Variants in MACROD1 observed in about 807,000 individuals in gnomAD.
MACROD1 encodes mono-ADP ribosylhydrolase 1.
Under a neutral mutation model 41.4 loss-of-function variants are expected in MACROD1, and 31 were observed. That is an observed-to-expected ratio of 0.75 (90% CI 0.56 to 1.01). The LOEUF is 1.01. MACROD1 is among the 50% of genes least tolerant of loss of function. The pLI, the probability that MACROD1 is intolerant of heterozygous loss-of-function variation, is 0.00. For synonymous variants in MACROD1, 252 were observed against 203.4 expected (o/e 1.24, Z -2.03); for missense variants, 473 against 460.0 (o/e 1.03, Z -0.26).
intron 3 of MACROD1, among the ~76,000 whole-genome samples, chr11:64,115,845 A>T (rs1336273389): frequency 7.2e-5 from 11 of 152,300 alleles, no homozygotes; most frequent in African/African-American, 2.4e-4. Context: ...CGTTGGCCAT[A>T]AAGTGGCTTT....
chr11:64,112,178 C>T (rs1352177321), intron 3 of MACROD1, among the ~76,000 whole-genome samples: 1 of 152,110 alleles, frequency 6.6e-6, no homozygotes, highest in African/African-American at 2.4e-5. Context: ...TGCACAAATC[C>T]CTGCCCTTGT....
At chr11:64,136,920 C>T (rs921913577) in intron 3 of MACROD1, among the ~76,000 whole-genome samples, 1 of 152,030 alleles carries the variant, frequency 6.6e-6, no homozygotes, top group Non-Finnish European at 1.5e-5. Flanking sequence ...CCGGGAGCAG[C>T]GGGGAGGGCT....
At chr11:64,132,999 G>C (rs1251321078) in intron 3 of MACROD1, among the ~76,000 whole-genome samples, 2 of 152,174 alleles carry the variant, frequency 1.3e-5, no homozygotes, top group African/African-American at 4.8e-5. Flanking sequence ...GCCCCATGAG[G>C]CCTCATGAAG....
intron 3 of MACROD1, among the ~76,000 whole-genome samples, chr11:64,058,770 G>T (rs1590850732): frequency 6.6e-6 from 1 of 152,218 alleles, no homozygotes; most frequent in Non-Finnish European, 1.5e-5. Context: ...GTGGCCAGAC[G>T]ATTCCTCTGT....
At chr11:64,152,176 C>T in intron 2 of MACROD1, 116 bp downstream of exon 2, 1 of 768,248 alleles carries the variant, frequency 1.3e-6, no homozygotes, top group Admixed American at 2.1e-5. Context: ...CGCGGAGCAC[C>T]TGCCTGCAGC....
chr11:64,164,155 C>T (rs1480512899), intron 1 of MACROD1, among the ~76,000 whole-genome samples: 1 of 152,244 alleles, frequency 6.6e-6, no homozygotes. Flanking sequence ...GAGGGCAGGG[C>T]CCTTGCCTAT....
rs1342628878 is a variant in MACROD1 at position 64,146,815 on chromosome 11, G to T, written c.517+4424C>A. Among the ~76,000 whole-genome samples, 1 of 148,600 alleles carries T rather than the reference G, an allele frequency of 6.7e-6. No homozygotes were observed. Among genetic ancestry groups the T allele is most frequent in the African/African-American group, 2.5e-5 (1 of 39,982 alleles). On this transcript the variant is annotated intron_variant, in intron 3 of 10. Coordinates refer to ENST00000255681, the MANE Select transcript of MACROD1 (RefSeq NM_014067.4). This position sits in a 1 kb window ranked among gnomAD's most constrained non-coding sequence, Gnocchi z 4.7. ...TGCATACGCACACCCCACACACATA[G>T]GCCAAACTCCTGACCTCACACACAC...
chr11:64,116,066 C>A (rs1944973212), intron 3 of MACROD1, among the ~76,000 whole-genome samples: 1 of 152,234 alleles, frequency 6.6e-6, no homozygotes, highest in Non-Finnish European at 1.5e-5. Context: ...AAACCTGGCA[C>A]AAAGGCCACT....
At chr11:64,150,164 C>T (rs749947434) in intron 3 of MACROD1, among the ~76,000 whole-genome samples, 25 of 152,252 alleles carry the variant, frequency 1.6e-4, no homozygotes, top group Non-Finnish European at 2.9e-4. Flanking sequence ...TCAGACCCCA[C>T]GGACCAGGCC....
rs556427387 is a variant in MACROD1, at chr11:64,048,099, G to A, written c.518-32818C>T. On this transcript the variant is annotated intron_variant, in intron 3 of 10. Coordinates refer to ENST00000255681, the MANE Select transcript of MACROD1 (RefSeq NM_014067.4). ...TCAGGCCTGCAGCCTGCCCTGGCCG[G>A]CGGGAGGCAGTGGGCCCAGAAGCAG... Among the ~76,000 whole-genome samples, 3 of 152,294 alleles carry A rather than the reference G, an allele frequency of 2.0e-5. No individual in the cohort carries two copies. In the East Asian group the frequency reaches 5.8e-4, roughly 29 times the overall value.
intron 3 of MACROD1, among the ~76,000 whole-genome samples, chr11:64,042,956 C>T (rs1003428056): frequency 2.0e-5 from 3 of 152,216 alleles, no homozygotes; most frequent in East Asian, 1.9e-4. Flanking sequence ...AGTGGAGACA[C>T]GCCCTGTCCA....
chr11:64,116,112 C>T (rs1007313961), intron 3 of MACROD1: 12 of 1,200,574 alleles, frequency 1.0e-5, no homozygotes, highest in African/African-American at 6.1e-5. Context: ...GACCGGACTT[C>T]GGTCACCCCT....
intron 3 of MACROD1, among the ~76,000 whole-genome samples, chr11:64,046,503 G>A (rs1315625388): frequency 6.6e-6 from 1 of 152,184 alleles, no homozygotes; most frequent in African/African-American, 2.4e-5. Flanking sequence ...CTGGGACCCT[G>A]CGCTGTGCTC....
At chr11:64,018,007 A>G (rs1943104959) in intron 3 of MACROD1, among the ~76,000 whole-genome samples, 1 of 152,058 alleles carries the variant, frequency 6.6e-6, no homozygotes, top group Non-Finnish European at 1.5e-5. Flanking sequence ...TGCACCCGGC[A>G]AGGTGAGTGG....
intron 3 of MACROD1, among the ~76,000 whole-genome samples, chr11:64,037,452 T>G (rs1313027439): frequency 6.6e-6 from 1 of 152,212 alleles, no homozygotes; most frequent in Non-Finnish European, 1.5e-5. Context: ...TGTCAGCTGG[T>G]GCTGACTCCG....
chr11:64,041,036 T>C (rs1943474567), intron 3 of MACROD1, among the ~76,000 whole-genome samples: 1 of 151,644 alleles, frequency 6.6e-6, no homozygotes, highest in Non-Finnish European at 1.5e-5. Flanking sequence ...TATACTTAAT[T>C]AAAACTGGGA....
intron 1 of MACROD1, among the ~76,000 whole-genome samples, chr11:64,154,050 C>G (rs920357465): frequency 6.6e-6 from 1 of 152,196 alleles, no homozygotes; most frequent in Non-Finnish European, 1.5e-5. Context: ...TCACCACACC[C>G]CATGCAGCGG....
intron 3 of MACROD1, among the ~76,000 whole-genome samples, chr11:64,086,175 G>T (rs2134507095): frequency 6.6e-6 from 1 of 152,326 alleles, no homozygotes; most frequent in South Asian, 2.1e-4. Context: ...GGACTCAACA[G>T]TGGGATCCCC....
intron 3 of MACROD1, among the ~76,000 whole-genome samples, chr11:64,128,369 C>T (rs1945216845): frequency 6.6e-6 from 1 of 152,164 alleles, no homozygotes; most frequent in Non-Finnish European, 1.5e-5. Flanking sequence ...TGACTGAGGG[C>T]CTGCTATGCT....
Sources: allele counts gnomAD v4.1 joint callset (sites outside exome capture counted in the v4.1 genomes callset), GRCh38; gene constraint gnomAD v4.1.1; non-coding constraint Gnocchi (gnomAD v3.1); transcripts MANE v1.5; gene names NCBI Gene and HGNC (gene_info 2026-07-23, HGNC 2026-07-21).